Variants in MYO16 observed in about 807,000 individuals in gnomAD.
MYO16 encodes the protein unconventional myosin-XVI.
A neutral mutation model predicts 205.3 loss-of-function variants in MYO16; 94 were observed. That is an observed-to-expected ratio of 0.46 (90% CI 0.39 to 0.54). The LOEUF is 0.54. MYO16 is among the 20% of genes least tolerant of loss of function. The pLI is 0.00. For synonymous variants in MYO16, 988 were observed against 954.0 expected, an observed-to-expected ratio of 1.04 and a Z score of -0.66; for missense variants, 2,315 against 2,387.5, an observed-to-expected ratio of 0.97 and a Z score of 0.63.
upstream of MYO16, among the ~76,000 whole-genome samples, chr13:108,593,134 G>A (rs1878448734): frequency 6.6e-6 from 1 of 152,122 alleles, no homozygotes; most frequent in Admixed American, 6.5e-5. Context: ...TGAAAGCGAT[G>A]AGTAAATGAA....
Position 108,748,605 on chromosome 13 carries a change from G to T in MYO16, c.507+21022G>T, listed in dbSNP as rs140865242. Among the ~76,000 whole-genome samples the T allele has an allele frequency of 2.0e-5, 3 of 152,148 alleles. No individual in the cohort carries two copies. In the East Asian group the frequency reaches 5.8e-4, roughly 29 times the overall value. ...TATAAGACTACAGTAATCAACACAG[G>T]TTTTCCTGAAAGAATAGAAGGCTTT... On this transcript the variant is annotated intron_variant, in intron 4 of 34. Coordinates refer to ENST00000457511, the MANE Select transcript of MYO16 (RefSeq NM_001198950.3).
chr13:108,782,020 A>T (rs2138912525), intron 4 of MYO16, among the ~76,000 whole-genome samples: 1 of 152,296 alleles, frequency 6.6e-6, no homozygotes, highest in South Asian at 2.1e-4. Context: ...TGATACAGTA[A>T]ATTGGTACCA....
chr13:108,626,236 G>T (rs1415103864), upstream of MYO16, among the ~76,000 whole-genome samples: 1 of 152,080 alleles, frequency 6.6e-6, no homozygotes, highest in Non-Finnish European at 1.5e-5. Context: ...AGAGAAAAAG[G>T]GGTTTCTTGA....
intron 12 of MYO16, among the ~76,000 whole-genome samples, chr13:108,870,158 T>C (rs150330651): frequency 1.3e-3 from 200 of 152,106 alleles, no homozygotes; most frequent in African/African-American, 4.6e-3. Flanking sequence ...AATGTAAGTA[T>C]TTTTTCTGTA....
chr13:108,874,225 A>T (rs1879214677), intron 12 of MYO16, among the ~76,000 whole-genome samples: 1 of 152,162 alleles, frequency 6.6e-6, no homozygotes, highest in Non-Finnish European at 1.5e-5. Context: ...AAAGCATCAC[A>T]ATAAAAAAAG....
chr13:109,006,835 G>C (rs1012973045), intron 21 of MYO16, among the ~76,000 whole-genome samples: 16 of 152,134 alleles, frequency 1.1e-4, no homozygotes, highest in African/African-American at 3.6e-4. Flanking sequence ...AAAGAAGTGG[G>C]TATAGGCAGA....
chr13:108,647,404 A>G (rs16972882), intron 1 of MYO16, among the ~76,000 whole-genome samples: 1,974 of 152,212 alleles, frequency 0.013, 54 homozygotes, highest in African/African-American at 0.044. Flanking sequence ...CAAATCTTTA[A>G]TGGTTCCTGT....
At chr13:108,856,822 C>T (rs1311090393) in intron 11 of MYO16, among the ~76,000 whole-genome samples, 1 of 152,204 alleles carries the variant, frequency 6.6e-6, no homozygotes, top group Admixed American at 6.5e-5. Context: ...AACCTCCTAA[C>T]TTTCTAGGGG....
intron 9 of MYO16, among the ~76,000 whole-genome samples, chr13:108,843,364 C>T (rs1877344498): frequency 6.6e-6 from 1 of 152,056 alleles, no homozygotes; most frequent in Non-Finnish European, 1.5e-5. Context: ...CACAAAGGGT[C>T]TCTTGGAGGT....
At chr13:109,116,697 C>T (rs1015697066) in intron 28 of MYO16, among the ~76,000 whole-genome samples, 5 of 152,206 alleles carry the variant, frequency 3.3e-5, no homozygotes, top group Non-Finnish European at 4.4e-5. Flanking sequence ...TCCTGAGCTT[C>T]CCCTTTTCCC....
At chr13:108,740,156 C>T (rs577082878) in intron 4 of MYO16, among the ~76,000 whole-genome samples, 9 of 68,984 alleles carry the variant, frequency 1.3e-4, no homozygotes, top group Non-Finnish European at 2.4e-4. Flanking sequence ...ATTCTCTGTC[C>T]AGCTTTGTTC....
At chr13:108,917,023 TGTGAGATGCAGAAACTCGA>T (rs1341293463) in intron 16 of MYO16, among the ~76,000 whole-genome samples, 7 of 96 alleles carry the variant, frequency 0.073, no homozygotes, top group Non-Finnish European at 0.1. Flanking sequence ...GCCCCAGGAA[TGTGAGATGCAGAAACTCGA>T]ATGTGAGATG....
chr13:108,786,221 A>G (rs571723628), intron 5 of MYO16, among the ~76,000 whole-genome samples: 2 of 152,356 alleles, frequency 1.3e-5, no homozygotes, highest in South Asian at 4.1e-4. Flanking sequence ...ACTTTAGAAC[A>G]CAAAGGTCAT....
intron 9 of MYO16, among the ~76,000 whole-genome samples, chr13:108,831,902 C>T (rs2139042705): frequency 6.6e-6 from 1 of 152,274 alleles, no homozygotes; most frequent in South Asian, 2.1e-4. Flanking sequence ...CCTGGGCTGC[C>T]TATTTCTGCT....
chr13:109,141,221 G>A lies in MYO16; in HGVS notation c.5009G>A (p.Arg1670Lys). Residue 1670 changes from arginine (R) to lysine (K), a missense_variant, in exon 32 of 35, where the codon AGG (arginine) becomes AAG (lysine). Coordinates refer to ENST00000457511, the MANE Select transcript of MYO16 (RefSeq NM_001198950.3). The surrounding 1 kb of genome is among the most constrained non-coding windows in gnomAD (Gnocchi z 4.1). ...GTGAAGGCCACCAGGGCGGACGCCA[G>A]GAAGGCCGGCTCCAGTGCCTCGCCC... is the stretch of plus-strand genomic sequence containing the variant. ...SPVKATRADA[R>K]KAGSSASPPA... 6.2e-7 allele frequency: 1 copy of A among 1,606,902 alleles called. No homozygotes were observed. Among genetic ancestry groups the A allele is most frequent in the Non-Finnish European group, 8.5e-7 (1 of 1,176,682 alleles).
intron 33 of MYO16, among the ~76,000 whole-genome samples, chr13:109,166,254 A>G (rs1566544829): frequency 6.6e-6 from 1 of 152,232 alleles, no homozygotes; most frequent in East Asian, 1.9e-4. Flanking sequence ...GAAATAGGAA[A>G]CTATAAGGAA....
At chr13:109,182,327 G>C (rs886364443) in intron 34 of MYO16, among the ~76,000 whole-genome samples, 1 of 152,122 alleles carries the variant, frequency 6.6e-6, no homozygotes, top group African/African-American at 2.4e-5. Context: ...ACCTACCTAC[G>C]ATGGATGCAG....
rs192367565 is a variant in MYO16 at position 108,795,353 on chromosome 13, C to T, written c.741+1713C>T. Among the ~76,000 whole-genome samples, 104 of 152,060 alleles carry T rather than the reference C, an allele frequency of 6.8e-4. 1 individual carries two copies. In the East Asian group the frequency reaches 0.013, roughly 19 times the overall value. ...CCTCCCGAGTAGCTGGGACTACAGGCGCATGTCACCACGCCCAGCTAATTT... is the reference window on the plus strand; with the variant it reads ...CCTCCCGAGTAGCTGGGACTACAGGTGCATGTCACCACGCCCAGCTAATTT... On this transcript the variant is annotated intron_variant, in intron 6 of 34. Transcript: ENST00000457511.
At chr13:109,101,739 C>G (rs993492033) in intron 28 of MYO16, 2 of 152,014 alleles carry the variant, frequency 1.3e-5, no homozygotes, top group African/African-American at 4.8e-5. Flanking sequence ...GCATAGGTGG[C>G]AAAAACAAAT....
Sources: gnomAD v4.1 joint callset for allele counts (sites outside exome capture counted in the v4.1 genomes callset) on GRCh38, gnomAD v4.1.1 for gene constraint, Gnocchi (gnomAD v3.1) non-coding constraint, MANE v1.5 for transcripts, NCBI Gene and HGNC (gene_info 2026-07-23, HGNC 2026-07-21) for gene names.